DZIP3: variants seen among roughly 807,000 people sequenced by gnomAD.
DZIP3 encodes the protein E3 ubiquitin-protein ligase DZIP3.
In DZIP3, 118 loss-of-function variants were observed where a neutral mutation model predicts 162.0. That is an observed-to-expected ratio of 0.73 (90% CI 0.63 to 0.85). The LOEUF is 0.85. Ranked by LOEUF, DZIP3 falls within the 40% of genes least tolerant of loss-of-function variation. The pLI is 0.00. For missense variants in DZIP3, 1,331 were observed against 1,407.0 expected, an observed-to-expected ratio of 0.95 and a Z score of 0.86; for synonymous variants, 438 against 458.6, an observed-to-expected ratio of 0.96 and a Z score of 0.57.
chr3:108,616,528 T>TA lies in DZIP3; in HGVS notation c.259-11dup. ...AGACTTATAGACATTTTTAACTGAA[T>TA]AATTTTCCACAGAGAGAAGTTGCAG... On this transcript the variant is annotated splice_polypyrimidine_tract_variant and intron_variant, in intron 4 of 32. Transcript: ENST00000361582. 1.9e-6 allele frequency: 3 copies of TA among 1,574,132 alleles called. No homozygotes were observed. Among genetic ancestry groups the TA allele is most frequent in the Non-Finnish European group, 2.6e-6 (3 of 1,148,870 alleles).
chr3:108,659,122 A>C (rs1943292679), intron 19 of DZIP3, among the ~76,000 whole-genome samples: 1 of 152,200 alleles, frequency 6.6e-6, no homozygotes, highest in Admixed American at 6.5e-5. Context: ...AAAAGAGGGA[A>C]TCCTCCCTAA....
chr3:108,614,648 A>G (rs1036547956), intron 4 of DZIP3, among the ~76,000 whole-genome samples: 9 of 152,120 alleles, frequency 5.9e-5, no homozygotes, highest in African/African-American at 1.9e-4. Flanking sequence ...AACAGGAGAA[A>G]GCTACTTCTC....
At chr3:108,669,844 A>G in intron 22 of DZIP3, 95 bp downstream of exon 22, 1 of 1,022,218 alleles carries the variant, frequency 9.8e-7, no homozygotes, top group East Asian at 2.5e-5. Context: ...TTATCATTCA[A>G]ACCGGGGTAC....
At chr3:108,672,224 AT>A (rs2107351412) in intron 22 of DZIP3, among the ~76,000 whole-genome samples, 1 of 152,066 alleles carries the variant, frequency 6.6e-6, no homozygotes, top group Admixed American at 6.6e-5. Flanking sequence ...ATTTCAACAT[AT>A]GAGTTTTGGG....
intron 14 of DZIP3, among the ~76,000 whole-genome samples, chr3:108,645,467 T>C (rs543325997): frequency 2.6e-5 from 4 of 152,318 alleles, no homozygotes; most frequent in African/African-American, 9.6e-5. Flanking sequence ...GTGTTTGTAT[T>C]GGCCACTCCC....
At chr3:108,685,513 T>C (rs1490900618) in intron 27 of DZIP3, among the ~76,000 whole-genome samples, 1 of 152,160 alleles carries the variant, frequency 6.6e-6, no homozygotes, top group Non-Finnish European at 1.5e-5. Flanking sequence ...ATTATCTTAG[T>C]AATCAGATGA....
At chr3:108,635,081 A>T in intron 10 of DZIP3, 109 bp downstream of exon 10, 1 of 600,448 alleles carries the variant, frequency 1.7e-6, no homozygotes, top group East Asian at 3.1e-5. Flanking sequence ...CCTGCTTTTT[A>T]CTTCCTCCTT....
At chr3:108,669,790 A>G in intron 22 of DZIP3, 41 bp downstream of exon 22, 2 of 1,445,986 alleles carry the variant, frequency 1.4e-6, no homozygotes, top group Non-Finnish European at 1.9e-6. Context: ...TCTCTCTGAA[A>G]CTGTATTTCA....
intron 26 of DZIP3, among the ~76,000 whole-genome samples, chr3:108,683,454 A>G (rs1389038783): frequency 6.6e-6 from 1 of 152,184 alleles, no homozygotes; most frequent in Middle Eastern, 3.2e-3. Context: ...TTTTAAGTTC[A>G]GTAACAAATT....
Position 108,642,303 on chromosome 3 carries a change from C to G in DZIP3, c.1065-135C>G, listed in dbSNP as rs185305371. ...TCATTGTTGGTGAGCTCTATTTGTT[C>G]ATTATTTTTTCTCCTTCTTGAATTA... On this transcript the variant is annotated intron_variant, in intron 12 of 32. Transcript: ENST00000361582. 9.9e-5 allele frequency: 99 copies of G among 1,000,970 alleles called. 1 individual carries two copies. The East Asian group carries it at 1.2e-3, about 13-fold the overall frequency. The allele number at this position is 1,000,970 out of a possible 1,614,324, so 62.0% of individuals were successfully genotyped here. A position where few individuals can be genotyped will look rare whatever the true frequency, so the allele number is the denominator to read the frequency against.
Position 108,688,579 on chromosome 3 carries a change from G to T in DZIP3, c.3271-14G>T, listed in dbSNP as rs2107436598. On this transcript the variant is annotated splice_polypyrimidine_tract_variant and intron_variant, in intron 29 of 32. Coordinates refer to ENST00000361582, the MANE Select transcript of DZIP3 (RefSeq NM_014648.4). ...ATAATTCTGAAAAAATAAACATTAT[G>T]TTCTTATTTTCAGAGTCAAGGAAAA... 6.2e-7 allele frequency: 1 copy of T among 1,609,172 alleles called. No individual in the cohort carries two copies. Among genetic ancestry groups the T allele is most frequent in the Non-Finnish European group, 8.5e-7 (1 of 1,178,038 alleles).
At chr3:108,653,621 TA>T in intron 18 of DZIP3, among the ~76,000 whole-genome samples, 1 of 151,082 alleles carries the variant, frequency 6.6e-6, no homozygotes, top group East Asian at 1.9e-4. Context: ...TAGTTCTTTT[TA>T]AAAGTTCTGT....
At chr3:108,687,919 C>T in intron 28 of DZIP3, 57 bp from the exon 29 acceptor site, 1 of 1,608,492 alleles carries the variant, frequency 6.2e-7, no homozygotes. Flanking sequence ...GTGGGTACAT[C>T]CTCAAAGGTA....
At position 108,664,002 on chromosome 3, in the gene DZIP3, C is replaced by G. The variant is rs1051842015; in HGVS notation, c.2423+1745C>G. On this transcript the variant is annotated intron_variant, in intron 21 of 32. Transcript: ENST00000361582. ...GTCCACCAAAATGTATAGTCCTATTCCTCACAGCTGTTTCTTCTTGAAACT... is the reference window on the plus strand; with the variant it reads ...GTCCACCAAAATGTATAGTCCTATTGCTCACAGCTGTTTCTTCTTGAAACT... 8.5e-5 allele frequency among the ~76,000 whole-genome samples: 13 copies of G among 152,288 alleles called. 1 individual carries two copies. The highest frequency in any genetic ancestry group is 6.5e-4 in the Admixed American group (10 of 15,306).
chr3:108,659,514 A>AT (rs1943316051), intron 19 of DZIP3, among the ~76,000 whole-genome samples: 1 of 152,174 alleles, frequency 6.6e-6, no homozygotes, highest in Non-Finnish European at 1.5e-5. Context: ...ATCTATGACA[A>AT]ACCCACAGCC....
chr3:108,684,412 A>G (rs1944428708), intron 27 of DZIP3, 71 bp downstream of exon 27: 10 of 1,529,258 alleles, frequency 6.5e-6, no homozygotes, highest in Admixed American at 6.2e-5. Context: ...CTGAATGAGT[A>G]TCTTCATTTT....
chr3:108,671,345 G>A (rs1254010337), intron 22 of DZIP3, among the ~76,000 whole-genome samples: 1 of 151,750 alleles, frequency 6.6e-6, no homozygotes, highest in African/African-American at 2.4e-5. Context: ...AAACATCGAG[G>A]ACTGCCTTTG....
Position 108,661,056 on chromosome 3 carries a change from C to G in DZIP3, c.2200-821C>G, listed in dbSNP as rs997703374. ...TTGGTGGGACTGTAAACTAGGTCAA[C>G]CATTGTGGAAGTCCATGTGGCGATT... On this transcript the variant is annotated intron_variant, in intron 19 of 32. Coordinates refer to ENST00000361582, the MANE Select transcript of DZIP3 (RefSeq NM_014648.4). Among the ~76,000 whole-genome samples the G allele has an allele frequency of 2.2e-4, 34 of 152,166 alleles. 1 individual carries two copies. Among genetic ancestry groups the G allele is most frequent in the Admixed American group, 5.9e-4 (9 of 15,284 alleles).
intron 5 of DZIP3, among the ~76,000 whole-genome samples, chr3:108,624,107 A>C (rs890103304): frequency 6.6e-6 from 1 of 152,064 alleles, no homozygotes; most frequent in African/African-American, 2.4e-5. Context: ...TTTTGTTTCT[A>C]TGAAGGGGCT....
Sources: allele counts gnomAD v4.1 joint callset (sites outside exome capture counted in the v4.1 genomes callset), GRCh38; gene constraint gnomAD v4.1.1; transcripts MANE v1.5; gene names NCBI Gene and HGNC (gene_info 2026-07-23, HGNC 2026-07-21).